Variants in ECE2 observed in about 807,000 individuals in gnomAD.
The protein encoded by ECE2 is endothelin-converting enzyme 2.
Under a neutral mutation model 100.6 loss-of-function variants are expected in ECE2, and 81 were observed. That is an observed-to-expected ratio of 0.81 (90% CI 0.67 to 0.97). The LOEUF (loss-of-function observed/expected upper bound fraction) is 0.97. Ranked by LOEUF, ECE2 falls within the 50% of genes least tolerant of loss-of-function variation. The pLI is 0.00. For synonymous variants in ECE2, 391 were observed against 391.5 expected, an observed-to-expected ratio of 1.00 and a Z score of 0.02; for missense variants, 911 against 988.1, an observed-to-expected ratio of 0.92 and a Z score of 1.05.
intron 11 of ECE2, among the ~76,000 whole-genome samples, chr3:184,288,184 T>C (rs1721146301): frequency 6.6e-6 from 1 of 150,720 alleles, no homozygotes; most frequent in South Asian, 2.1e-4. Flanking sequence ...GTGGCGGGTG[T>C]CTGTAATCCC....
chr3:184,286,190 G>T lies in ECE2; in HGVS notation c.1263+598G>T, dbSNP rs1721030017. Among the ~76,000 whole-genome samples the T allele has an allele frequency of 2.6e-5, 4 of 152,072 alleles. No homozygotes were observed. The South Asian group carries it at 8.3e-4, about 32-fold the overall frequency. On this transcript the variant is annotated intron_variant, in intron 10 of 18. Coordinates refer to ENST00000404464, the MANE Select transcript of ECE2 (RefSeq NM_001100121.2). Reference sequence around the variant, plus strand: ...AAGCCGGGGAGAAGGGCATTCCAGGGACAAGGAACGGCATGTGCAAATTCC... The same window carrying T: ...AAGCCGGGGAGAAGGGCATTCCAGGTACAAGGAACGGCATGTGCAAATTCC...
In ECE2 at chr3:184,276,963, C is replaced by T. The variant is rs756396208; in HGVS notation, c.198C>T (p.Ala66=). The T allele has an allele frequency of 1.2e-6, 2 of 1,614,168 alleles. No homozygotes were observed. The highest frequency in any genetic ancestry group is 1.7e-5 in the Admixed American group (1 of 60,026). ...RTQLELVLAG[A]SLLLAALLLG... is the part of the protein sequence containing the mutation. ...AGCTGGAGCTGGTCTTAGCAGGTGC[C>T]TCTCTACTGCTGGCTGCACTGCTTC... Residue 66 remains alanine, a synonymous_variant, in exon 3 of 19, where the codon GCC becomes GCT. Transcript: ENST00000404464.
intron 4 of ECE2, 69 bp downstream of exon 4, chr3:184,277,535 TAGCA>T (rs1720621198): frequency 6.6e-6 from 10 of 1,519,536 alleles, no homozygotes; most frequent in Non-Finnish European, 8.1e-6. Flanking sequence ...GCCTGGCACT[TAGCA>T]AATAGGCAGT....
rs1406802243 is a variant in ECE2 at position 184,278,303 on chromosome 3, A to G, written c.740A>G (p.Asn247Ser). 1.2e-6 allele frequency: 2 copies of G among 1,613,904 alleles called. No individual in the cohort carries two copies. The highest frequency in any genetic ancestry group is 2.7e-5 in the African/African-American group (2 of 74,898). Reference protein sequence around the residue: ...ISADSKSSNSNVIQVDQSGLF... With the variant: ...ISADSKSSNSSVIQVDQSGLF... ...GCCGACTCTAAGAGTTCCAACAGCA[A>G]TGTTATCCAGGTGATGAGCTGGGAA... The change falls in exon 6 of 19, where the codon AAT becomes AGT. Residue 247 changes from asparagine to serine, a missense_variant. Coordinates refer to ENST00000404464, the MANE Select transcript of ECE2 (RefSeq NM_001100121.2).
In ECE2 at chr3:184,276,965, C is replaced by T. The variant is rs778169668; in HGVS notation, c.200C>T (p.Ser67Phe). ...CTGGAGCTGGTCTTAGCAGGTGCCT[C>T]TCTACTGCTGGCTGCACTGCTTCTG... ...TQLELVLAGA[S>F]LLLAALLLGC... is the part of the protein sequence containing the mutation. Residue 67 changes from serine to phenylalanine, a missense_variant, in exon 3 of 19, where the codon TCT (serine) becomes TTT (phenylalanine). Transcript: ENST00000404464. The T allele has an allele frequency of 1.2e-6, 2 of 1,614,058 alleles. No homozygotes were observed. The highest frequency in any genetic ancestry group is 2.7e-5 in the African/African-American group (2 of 74,930).
chr3:184,278,400 G>A, intron 6 of ECE2, 87 bp downstream of exon 6: 1 of 1,587,072 alleles, frequency 6.3e-7, no homozygotes, highest in Non-Finnish European at 8.6e-7. Flanking sequence ...AGGCTGGGCT[G>A]ACCCCCCGGC....
chr3:184,277,181 T>G, intron 3 of ECE2, 70 bp from the exon 4 acceptor site: 1 of 1,606,916 alleles, frequency 6.2e-7, no homozygotes, highest in Non-Finnish European at 8.5e-7. Flanking sequence ...TCATGGCCCT[T>G]GCAGAGTTTG....
At position 184,278,919 on chromosome 3, in the gene ECE2, A is replaced by C. The variant is rs973415803; in HGVS notation, c.816+362A>C. ...GCTCACAAGAGGGTCCTGAGGATTC[A>C]GGAGAGACTTAGGGAGCCAGCAAAG... On this transcript the variant is annotated intron_variant, in intron 7 of 18. Transcript: ENST00000404464. 5 of 244,308 alleles carry C rather than the reference A, an allele frequency of 2.0e-5. 1 individual carries two copies. The highest frequency in any genetic ancestry group is 5.1e-5 in the Admixed American group (1 of 19,778). The allele number at this position is 244,308 out of a possible 1,614,324, so 15.1% of individuals were successfully genotyped here.
intron 8 of ECE2, 113 bp from the exon 9 acceptor site, chr3:184,284,850 C>A: frequency 1.4e-6 from 2 of 1,386,752 alleles, no homozygotes; most frequent in Non-Finnish European, 2.0e-6. Context: ...CACCATGAAG[C>A]CAGTAGTTGT....
At position 184,291,095 on chromosome 3, in the gene ECE2, G is replaced by A. The variant is rs751273941; in HGVS notation, c.1890G>A (p.Leu630=). The A allele has an allele frequency of 1.9e-6, 3 of 1,599,746 alleles. No homozygotes were observed. Among genetic ancestry groups the A allele is most frequent in the Non-Finnish European group, 2.6e-6 (3 of 1,171,674 alleles). Residue 630 remains leucine, a synonymous_variant, in exon 17 of 19, where the codon CTG becomes CTA. Coordinates refer to ENST00000404464, the MANE Select transcript of ECE2 (RefSeq NM_001100121.2). The surrounding 1 kb of genome is among the most constrained non-coding windows in gnomAD (Gnocchi z 4.1). ...NLRPWWQNES[L]AAFRNHTACM... ...GGCCCTGGTGGCAGAATGAGTCCCT[G>A]GCAGCCTTCCGGAACCACACGGCCT...
At chr3:184,278,401 A>AC in intron 6 of ECE2, 88 bp downstream of exon 6, 7 of 1,585,094 alleles carry the variant, frequency 4.4e-6, no homozygotes, top group Middle Eastern at 2.1e-4. Context: ...GGCTGGGCTG[A>AC]CCCCCCGGCC....
Position 184,291,409 on chromosome 3 carries a change from C to T in ECE2, c.2091C>T (p.Asn697=). Residue 697 remains asparagine, a synonymous_variant, in exon 18 of 19, where the codon AAC becomes AAT. Coordinates refer to ENST00000404464, the MANE Select transcript of ECE2 (RefSeq NM_001100121.2). The surrounding 1 kb of genome is among the most constrained non-coding windows in gnomAD (Gnocchi z 4.1). ...EQQLPAVGLT[N]HQLFFVGFAQ... ...AACTGCCAGCCGTGGGGCTCACCAA[C>T]CACCAGCTCTTCTTCGTGGGATTTG... 6 of 1,602,718 alleles carry T rather than the reference C, an allele frequency of 3.7e-6. No homozygotes were observed. The highest frequency in any genetic ancestry group is 5.1e-6 in the Non-Finnish European group (6 of 1,174,398).
chr3:184,277,796 C>T (rs190193049), intron 4 of ECE2, 129 bp from the exon 5 acceptor site: 92 of 1,422,578 alleles, frequency 6.5e-5, no homozygotes, highest in Non-Finnish European at 3.1e-5. Flanking sequence ...CTGTTTCAGA[C>T]ACTCTTCCTG....
Position 184,291,580 on chromosome 3 carries a change from GC to G in ECE2, c.2121+144del. ...GGGGCATGAAAGGTGGGCTGGGAAG[GC>G]CCATGCCCAGAGCCTCCGGCCAGCC... On this transcript the variant is annotated intron_variant, in intron 18 of 18. Coordinates refer to ENST00000404464, the MANE Select transcript of ECE2 (RefSeq NM_001100121.2). This position sits in a 1 kb window ranked among gnomAD's most constrained non-coding sequence, Gnocchi z 4.1. 1 of 851,500 alleles carries G rather than the reference GC, an allele frequency of 1.2e-6. No individual in the cohort carries two copies. Among genetic ancestry groups the G allele is most frequent in the Non-Finnish European group, 1.7e-6 (1 of 575,326 alleles). The allele number at this position is 851,500 out of a possible 1,614,324, so 52.7% of individuals were successfully genotyped here.
chr3:184,281,476 C>G (rs1216905441), intron 7 of ECE2, among the ~76,000 whole-genome samples: 1 of 152,210 alleles, frequency 6.6e-6, no homozygotes, highest in Non-Finnish European at 1.5e-5. Context: ...GATGAGGGAG[C>G]AGGAGGGGCA....
Position 184,284,948 on chromosome 3 carries a change from AT to A in ECE2, c.1006-8del, listed in dbSNP as rs1332549009. 6.2e-7 allele frequency: 1 copy of A among 1,611,878 alleles called. No homozygotes were observed. The highest frequency in any genetic ancestry group is 8.5e-7 in the Non-Finnish European group (1 of 1,179,166). On this transcript the variant is annotated splice_polypyrimidine_tract_variant and intron_variant, in intron 8 of 18. Transcript: ENST00000404464. ...GCGAGTCGGGCAGGCAAGGCCTGAG[AT>A]TTTTTTCTTTCAGGCTCTGGCGCCC... is the stretch of plus-strand genomic sequence containing the variant.
chr3:184,286,199 C>T (rs566939285), intron 10 of ECE2, among the ~76,000 whole-genome samples: 5 of 152,108 alleles, frequency 3.3e-5, no homozygotes, highest in South Asian at 4.2e-4. Flanking sequence ...GGACAAGGAA[C>T]GGCATGTGCA....
chr3:184,291,770 A>C lies in ECE2; in HGVS notation c.2122-292A>C. 1.9e-6 allele frequency: 1 copy of C among 513,876 alleles called. No individual in the cohort carries two copies. Among genetic ancestry groups the C allele is most frequent in the Non-Finnish European group, 3.4e-6 (1 of 290,146 alleles). 31.8% of individuals were successfully genotyped at this position (513,876 alleles called of 1,614,324 possible). A position where few individuals can be genotyped will look rare whatever the true frequency, so the allele number is the denominator to read the frequency against. On this transcript the variant is annotated intron_variant, in intron 18 of 18. Transcript: ENST00000404464. This position sits in a 1 kb window ranked among gnomAD's most constrained non-coding sequence, Gnocchi z 4.1. ...CTGTGAGGGAGACATGCAGGAAACG[A>C]AAGCTCGGGACGCAGAGTGGCCTGT...
rs1157119573 is a variant in ECE2 at position 184,286,793 on chromosome 3, GT to G, written c.1264-1041del. ...GCCTGGGCTACAAGAGCAAAACTCTGTTTAAAAAAAAAAAAAAAAAAAGGCA... is the reference window on the plus strand; with the variant it reads ...GCCTGGGCTACAAGAGCAAAACTCTGTTAAAAAAAAAAAAAAAAAAAGGCA... On this transcript the variant is annotated intron_variant, in intron 10 of 18. Transcript: ENST00000404464. Among the ~76,000 whole-genome samples, 24 of 78,402 alleles carry G rather than the reference GT, an allele frequency of 3.1e-4. No homozygotes were observed. In the East Asian group the frequency reaches 5.2e-3, roughly 17 times the overall value. 51.4% of individuals were successfully genotyped at this position (78,402 alleles called of 152,430 possible).
Sources: allele counts gnomAD v4.1 joint callset (sites outside exome capture counted in the v4.1 genomes callset), GRCh38; gene constraint gnomAD v4.1.1; non-coding constraint Gnocchi (gnomAD v3.1); transcripts MANE v1.5; gene names NCBI Gene and HGNC (gene_info 2026-07-23, HGNC 2026-07-21).